Variants in ADAMTS17 observed in about 807,000 individuals in gnomAD.
The protein encoded by ADAMTS17 is ADAM metallopeptidase with thrombospondin type 1 motif 17, also known as A disintegrin and metalloproteinase with thrombospondin motifs 17.
ADAMTS17 carries 113 observed loss-of-function variants against 141.5 expected under a neutral mutation model. The ratio of observed to expected loss-of-function variants is 0.80; its 90% CI spans 0.69 to 0.93. ADAMTS17 has a LOEUF of 0.93. Among genes scored for constraint, ADAMTS17 ranks in the 40% least tolerant of loss-of-function variants. ADAMTS17 has a pLI of 0.00. For synonymous variants in ADAMTS17, 768 were observed against 630.6 expected (o/e 1.22, Z -3.27); for missense variants, 1,659 against 1,517.9 (o/e 1.09, Z -1.54).
At chr15:100,292,748 C>T (rs1362173926) in intron 3 of ADAMTS17, among the ~76,000 whole-genome samples, 6 of 152,208 alleles carry the variant, frequency 3.9e-5, no homozygotes, top group Non-Finnish European at 7.3e-5. Flanking sequence ...ACTGGGATTC[C>T]AGCCCAGGCA....
rs142272393 is a variant in ADAMTS17, at chr15:100,206,467, C to T, written c.1076-7044G>A. On this transcript the variant is annotated intron_variant, in intron 7 of 21. Transcript: ENST00000268070. ...ACTGTAACACACTCACATTCTCTAT[C>T]GACTGCACTGCTTGGCGCCTATTTC... 3.2e-4 allele frequency among the ~76,000 whole-genome samples: 49 copies of T among 152,290 alleles called. No individual in the cohort carries two copies. The East Asian group carries it at 6.0e-3, about 19-fold the overall frequency.
rs571542113 is a variant in ADAMTS17 at position 100,102,921 on chromosome 15, C to G, written c.2016+6068G>C. ...TCACTTCCGACCCTCCATTCTCAAG[C>G]CCACAGCTCTCGGTTTGGGCTGTCT... On this transcript the variant is annotated intron_variant, in intron 14 of 21. Transcript: ENST00000268070. 7.9e-5 allele frequency among the ~76,000 whole-genome samples: 12 copies of G among 152,324 alleles called. No homozygotes were observed. The South Asian group carries it at 2.5e-3, about 32-fold the overall frequency.
chr15:100,255,617 A>ACACACACACACACACACACACACAC (rs2043299663), intron 6 of ADAMTS17, among the ~76,000 whole-genome samples: 3 of 140,186 alleles, frequency 2.1e-5, no homozygotes, highest in East Asian at 2.2e-4. Context: ...TGTTTTGAGC[A>ACACACACACACACACACACACACAC]ACACACACAC....
chr15:99,983,703 A>G (rs1180671606), intron 20 of ADAMTS17, among the ~76,000 whole-genome samples: 1 of 152,168 alleles, frequency 6.6e-6, no homozygotes, highest in Non-Finnish European at 1.5e-5. Flanking sequence ...TGGGGTGAGC[A>G]CAAGCCCAAG....
At chr15:99,991,106 C>T (rs2060681640) in intron 20 of ADAMTS17, among the ~76,000 whole-genome samples, 1 of 152,186 alleles carries the variant, frequency 6.6e-6, no homozygotes, top group South Asian at 2.1e-4. Flanking sequence ...AGGACATAGG[C>T]ATGGTCAAAG....
At chr15:100,303,967 A>G (rs1170511084) in intron 3 of ADAMTS17, among the ~76,000 whole-genome samples, 4 of 152,032 alleles carry the variant, frequency 2.6e-5, no homozygotes, top group African/African-American at 9.7e-5. Flanking sequence ...CAGGTGATCC[A>G]CCCGCTTCGG....
chr15:100,081,101 C>A (rs1337193443), intron 15 of ADAMTS17, among the ~76,000 whole-genome samples: 1 of 152,102 alleles, frequency 6.6e-6, no homozygotes, highest in Non-Finnish European at 1.5e-5. Flanking sequence ...GCAGATCCAC[C>A]CTTAATCTGG....
chr15:100,188,058 T>C (rs1034019375), intron 8 of ADAMTS17, among the ~76,000 whole-genome samples: 4 of 151,178 alleles, frequency 2.6e-5, no homozygotes, highest in African/African-American at 9.7e-5. Context: ...CATTCCAGCC[T>C]GGGTGACAGA....
At chr15:100,200,834 C>A (rs529548853) in intron 7 of ADAMTS17, among the ~76,000 whole-genome samples, 2 of 151,668 alleles carry the variant, frequency 1.3e-5, no homozygotes, top group African/African-American at 4.8e-5. Flanking sequence ...CCTGCTCTCC[C>A]CCATGGGCTG....
chr15:100,338,990 A>C (rs2046286470), intron 2 of ADAMTS17: 1 of 985,374 alleles, frequency 1.0e-6, no homozygotes, highest in Non-Finnish European at 1.2e-6. Context: ...TCCGGCCTTC[A>C]GTACGTACAG....
At chr15:100,146,072 C>T (rs928834736) in intron 10 of ADAMTS17, among the ~76,000 whole-genome samples, 4 of 152,192 alleles carry the variant, frequency 2.6e-5, no homozygotes, top group Admixed American at 2.0e-4. Context: ...ACTCGGGAGG[C>T]TGAGACAGGA....
At chr15:100,262,093 C>G (rs566249387) in intron 5 of ADAMTS17, among the ~76,000 whole-genome samples, 1 of 152,282 alleles carries the variant, frequency 6.6e-6, no homozygotes, top group African/African-American at 2.4e-5. Context: ...TTGCACTATC[C>G]TAGAGACTCC....
intron 2 of ADAMTS17, among the ~76,000 whole-genome samples, chr15:100,333,971 C>T (rs1419509951): frequency 6.6e-6 from 1 of 152,230 alleles, no homozygotes; most frequent in Non-Finnish European, 1.5e-5. Context: ...GAGAAATCTT[C>T]AGTTTTGCAG....
chr15:100,277,719 C>G (rs73484120), intron 4 of ADAMTS17, among the ~76,000 whole-genome samples: 2,274 of 152,320 alleles, frequency 0.015, 39 homozygotes, highest in African/African-American at 0.047. Flanking sequence ...TGAGCATCAT[C>G]AAAAGTTAAC....
chr15:100,026,098 C>G (rs1216768502), intron 18 of ADAMTS17, among the ~76,000 whole-genome samples: 2 of 152,220 alleles, frequency 1.3e-5, no homozygotes, highest in Admixed American at 6.5e-5. Flanking sequence ...ACAATTCTGA[C>G]TCCTACCATC....
At chr15:100,274,762 C>A (rs925488037) in intron 4 of ADAMTS17, among the ~76,000 whole-genome samples, 1 of 152,106 alleles carries the variant, frequency 6.6e-6, no homozygotes, top group Non-Finnish European at 1.5e-5. Context: ...TCCTGCATTA[C>A]TGACTTCTTT....
intron 7 of ADAMTS17, among the ~76,000 whole-genome samples, chr15:100,216,388 T>G (rs1204993916): frequency 1.3e-5 from 2 of 152,212 alleles, no homozygotes; most frequent in African/African-American, 4.8e-5. Flanking sequence ...GCTGTGAACC[T>G]CTAAATGCTT....
At chr15:100,152,975 A>AAGAAAATACGTGCCTGGG (rs200941441) in intron 9 of ADAMTS17, among the ~76,000 whole-genome samples, 1 of 151,148 alleles carries the variant, frequency 6.6e-6, no homozygotes, top group Non-Finnish European at 1.5e-5. Context: ...TTCGCTCTGA[A>AAGAAAATACGTGCCTGGG]GGTAGTAAGA....
intron 8 of ADAMTS17, among the ~76,000 whole-genome samples, chr15:100,181,741 A>G (rs192160754): frequency 2.3e-4 from 35 of 152,284 alleles, no homozygotes; most frequent in Admixed American, 7.8e-4. Context: ...AAGGAGGAGG[A>G]AGGAGTTATT....
Sources: allele counts gnomAD v4.1 joint callset (sites outside exome capture counted in the v4.1 genomes callset), GRCh38; gene constraint gnomAD v4.1.1; transcripts MANE v1.5; gene names NCBI Gene and HGNC (gene_info 2026-07-23, HGNC 2026-07-21).